Variants in CLVS2 observed in about 807,000 individuals in gnomAD.
CLVS2 encodes the protein clavesin-2.
CLVS2 carries 19 observed loss-of-function variants against 29.0 expected under a neutral mutation model. That is an observed-to-expected ratio of 0.66 (90% CI 0.46 to 0.96). The LOEUF is 0.96. Among genes scored for constraint, CLVS2 ranks in the 40% least tolerant of loss-of-function variants. CLVS2 has a pLI of 0.00. For synonymous variants in CLVS2, 161 were observed against 151.3 expected, an observed-to-expected ratio of 1.06 and a Z score of -0.47; for missense variants, 294 against 404.1, an observed-to-expected ratio of 0.73 and a Z score of 2.34.
At chr6:123,043,663 G>A (rs1178034932) in intron 3 of CLVS2, among the ~76,000 whole-genome samples, 3 of 152,140 alleles carry the variant, frequency 2.0e-5, no homozygotes, top group Non-Finnish European at 4.4e-5. Context: ...TGTTACTTGT[G>A]ACCAAAGTTG....
intron 4 of CLVS2, among the ~76,000 whole-genome samples, chr6:123,049,001 A>C (rs1582661789): frequency 6.6e-6 from 1 of 151,834 alleles, no homozygotes; most frequent in Non-Finnish European, 1.5e-5. Flanking sequence ...TTTAAAGGCC[A>C]AAAAAAACTC....
At chr6:123,024,938 T>C (rs1389571690) in intron 3 of CLVS2, among the ~76,000 whole-genome samples, 1 of 151,982 alleles carries the variant, frequency 6.6e-6, no homozygotes, top group Non-Finnish European at 1.5e-5. Flanking sequence ...CAAAAGAAAT[T>C]CAAAGGATGA....
chr6:123,006,582 A>C (rs1325654773), intron 2 of CLVS2, among the ~76,000 whole-genome samples: 1 of 152,216 alleles, frequency 6.6e-6, no homozygotes, highest in Admixed American at 6.5e-5. Flanking sequence ...AAAAAAATTT[A>C]GGACTTGGTG....
At chr6:123,041,636 AT>A (rs1775236074) in intron 3 of CLVS2, among the ~76,000 whole-genome samples, 1 of 152,168 alleles carries the variant, frequency 6.6e-6, no homozygotes, top group East Asian at 1.9e-4. Flanking sequence ...ATTAACACAT[AT>A]AGAATGGGGA....
At chr6:123,002,872 T>C (rs1438401108) in intron 2 of CLVS2, among the ~76,000 whole-genome samples, 3 of 152,202 alleles carry the variant, frequency 2.0e-5, no homozygotes, top group Non-Finnish European at 2.9e-5. Context: ...CTTTGCCATC[T>C]TTTGGGTGGA....
In CLVS2 at chr6:123,020,134, C is replaced by A. The variant is rs143561343; in HGVS notation, c.564+8975C>A. On this transcript the variant is annotated intron_variant, in intron 3 of 5. Coordinates refer to ENST00000275162, the MANE Select transcript of CLVS2 (RefSeq NM_001010852.4). ...ACCAAACACCTGAGCACCCCTTGGT[C>A]TAGTCAAATTGATACAATAAATTAT... 4.4e-4 allele frequency among the ~76,000 whole-genome samples: 67 copies of A among 152,144 alleles called. 4 individuals carry two copies. The highest frequency in any genetic ancestry group is 1.6e-3 in the African/African-American group (65 of 41,524).
At chr6:123,044,500 G>A (rs1243277394) in intron 3 of CLVS2, among the ~76,000 whole-genome samples, 4 of 151,880 alleles carry the variant, frequency 2.6e-5, no homozygotes, top group Non-Finnish European at 5.9e-5. Flanking sequence ...AGGGATGAGT[G>A]GGCAGGAGGG....
At position 123,068,424 on chromosome 6, in the gene CLVS2, A is replaced by C. The variant is rs1480081578; in HGVS notation, c.*4663A>C. On this transcript the variant is annotated 3_prime_UTR_variant, in exon 6 of 6. Transcript: ENST00000275162. Reference sequence around the variant, plus strand: ...TTTACCTGGTGAACGAGATGGACTTAGGTGAAAATAAATTTTAACCACAGT... The same window carrying C: ...TTTACCTGGTGAACGAGATGGACTTCGGTGAAAATAAATTTTAACCACAGT... The C allele has an allele frequency of 1.3e-5, 2 of 151,684 alleles. No homozygotes were observed. The highest frequency in any genetic ancestry group is 3.0e-5 in the Non-Finnish European group (2 of 67,690). 9.4% of individuals were successfully genotyped at this position (151,684 alleles called of 1,614,324 possible).
intron 3 of CLVS2, among the ~76,000 whole-genome samples, chr6:123,029,842 T>C (rs1407313639): frequency 1.3e-5 from 2 of 152,200 alleles, no homozygotes; most frequent in East Asian, 3.8e-4. Context: ...TTACAAATAC[T>C]GCCTGATGAT....
At chr6:123,052,863 G>A (rs1772633406) in intron 4 of CLVS2, among the ~76,000 whole-genome samples, 1 of 149,740 alleles carries the variant, frequency 6.7e-6, no homozygotes, top group Non-Finnish European at 1.5e-5. Context: ...TATTTTAAGT[G>A]GAGAGTGGAA....
intron 3 of CLVS2, among the ~76,000 whole-genome samples, chr6:123,036,705 C>T (rs1425640718): frequency 6.6e-6 from 1 of 152,174 alleles, no homozygotes; most frequent in African/African-American, 2.4e-5. Flanking sequence ...GAGGGGCTGC[C>T]TACATGCTGA....
Position 123,070,908 on chromosome 6 carries a change from T to G in CLVS2, c.*7147T>G, listed in dbSNP as rs1235822874. 1 of 152,028 alleles carries G rather than the reference T, an allele frequency of 6.6e-6. No homozygotes were observed. Among genetic ancestry groups the G allele is most frequent in the Non-Finnish European group, 1.5e-5 (1 of 67,892 alleles). The allele number at this position is 152,028 out of a possible 1,614,324, so 9.4% of individuals were successfully genotyped here. A position where few individuals can be genotyped will look rare whatever the true frequency, so the allele number is the denominator to read the frequency against. ...CCTCTAATTTCAGATATCCACGTGGTTTATTCCCTCATCTTCTTCAGGTAT... is the reference window on the plus strand; with the variant it reads ...CCTCTAATTTCAGATATCCACGTGGGTTATTCCCTCATCTTCTTCAGGTAT... On this transcript the variant is annotated 3_prime_UTR_variant, in exon 6 of 6. Transcript: ENST00000275162.
At chr6:123,028,187 T>C (rs1457955763) in intron 3 of CLVS2, among the ~76,000 whole-genome samples, 1 of 152,212 alleles carries the variant, frequency 6.6e-6, no homozygotes, top group African/African-American at 2.4e-5. Context: ...TCTCATTTAA[T>C]AGGGATTCTA....
intron 2 of CLVS2, among the ~76,000 whole-genome samples, chr6:123,003,505 AG>A (rs1774620599): frequency 6.6e-6 from 1 of 152,204 alleles, no homozygotes; most frequent in Non-Finnish European, 1.5e-5. Flanking sequence ...CATGAAGGAA[AG>A]GATACTCCTG....
At chr6:123,035,726 G>A (rs969040492) in intron 3 of CLVS2, among the ~76,000 whole-genome samples, 1 of 152,068 alleles carries the variant, frequency 6.6e-6, no homozygotes, top group African/African-American at 2.4e-5. Context: ...GGTATCAAGG[G>A]TGGGTGGAAA....
chr6:123,055,946 T>A lies in CLVS2; in HGVS notation c.816T>A (p.Asp272Glu). The change falls in exon 5 of 6, where the codon GAT becomes GAA. Residue 272 changes from aspartate (D) to glutamate (E), a missense_variant. Asp to Glu is a conservative substitution (Grantham distance 45). This residue lies in a region of CLVS2 where 82 missense variants were observed against 67.8 expected (regional missense o/e 1.21). Coordinates refer to ENST00000275162, the MANE Select transcript of CLVS2 (RefSeq NM_001010852.4). ...ARTLLDHEYD[D>E]DSEYNVDSYS... ...CACTGCTAGACCATGAATATGACGA[T>A]GACAGCGAGTACAATGTAGACTCCT... The A allele has an allele frequency of 6.2e-7, 1 of 1,614,022 alleles. No homozygotes were observed. The highest frequency in any genetic ancestry group is 8.5e-7 in the Non-Finnish European group (1 of 1,179,968).
chr6:123,057,229 C>T (rs1010946878), intron 5 of CLVS2, among the ~76,000 whole-genome samples: 2 of 151,908 alleles, frequency 1.3e-5, no homozygotes, highest in East Asian at 1.9e-4. Context: ...GGACAATGAA[C>T]GGGTCATGCC....
intron 5 of CLVS2, among the ~76,000 whole-genome samples, chr6:123,058,409 C>T (rs1772726141): frequency 6.6e-6 from 1 of 152,162 alleles, no homozygotes; most frequent in Non-Finnish European, 1.5e-5. Context: ...CCTTTTTCTT[C>T]AGCCATTCTG....
At chr6:123,031,832 G>A (rs9401632) in intron 3 of CLVS2, among the ~76,000 whole-genome samples, 112,377 of 151,478 alleles carry the variant, frequency 0.74, 42,170 homozygotes, top group East Asian at 0.92. Context: ...CATTATGAGG[G>A]ACTTGGTCTT....
Sources: allele counts gnomAD v4.1 joint callset (sites outside exome capture counted in the v4.1 genomes callset), GRCh38; gene constraint gnomAD v4.1.1; regional missense constraint gnomAD v4.1.1; transcripts MANE v1.5; gene names NCBI Gene and HGNC (gene_info 2026-07-23, HGNC 2026-07-21).